The following ANKS1A variants were observed in gnomAD, a reference collection of about 807,000 sequenced individuals.
ANKS1A encodes the protein ankyrin repeat and SAM domain-containing protein 1A.
In ANKS1A, 55 loss-of-function variants were observed where a neutral mutation model predicts 120.3. That is an observed-to-expected ratio of 0.46 (90% CI 0.37 to 0.57). The LOEUF (loss-of-function observed/expected upper bound fraction) is 0.57, where lower values mean the gene tolerates loss of function less well. ANKS1A is among the 20% of genes least tolerant of loss of function. The pLI is 0.00. For missense variants in ANKS1A, 1,123 were observed against 1,480.3 expected (o/e 0.76, Z 3.96); for synonymous variants, 590 against 604.7 (o/e 0.98, Z 0.36).
At chr6:35,097,799 CTTAG>C in the ANKS1A span, among the ~76,000 whole-genome samples, 2 of 152,090 alleles carry the variant, frequency 1.3e-5, no homozygotes, top group Non-Finnish European at 2.9e-5. Flanking sequence ...TTCAGTTGGT[CTTAG>C]TTAAAATGCA....
At position 35,089,067 on chromosome 6, in the gene ANKS1A, A is replaced by G; in HGVS notation, c.*458A>G. 5 of 1,059,498 alleles carry G rather than the reference A, an allele frequency of 4.7e-6. No individual in the cohort carries two copies. Among genetic ancestry groups the G allele is most frequent in the Non-Finnish European group, 5.7e-6 (5 of 873,592 alleles). The allele number at this position is 1,059,498 out of a possible 1,614,324, so 65.6% of individuals were successfully genotyped here. ...CTTGGGTGCAGCTCAGTGGGTCGGA[A>G]GAGAAGGCGGTGGCCTGTGGGTGAG... On this transcript the variant is annotated 3_prime_UTR_variant, in exon 24 of 24. Transcript: ENST00000360359.
chr6:34,891,957 C>T (rs1766847342), intron 1 of ANKS1A, among the ~76,000 whole-genome samples: 1 of 152,162 alleles, frequency 6.6e-6, no homozygotes, highest in South Asian at 2.1e-4. Context: ...TGCGCTCACT[C>T]GGAGACTATT....
Position 34,983,110 on chromosome 6 carries a change from T to C in ANKS1A, c.809-3T>C, listed in dbSNP as rs781530504. Reference sequence around the variant, plus strand: ...CCCTGGTCCACCTGGTGTGCCTTTCTAGGAACTGACGTCAACATAAAAGAT... The same window carrying C: ...CCCTGGTCCACCTGGTGTGCCTTTCCAGGAACTGACGTCAACATAAAAGAT... On this transcript the variant is annotated splice_region_variant and splice_polypyrimidine_tract_variant and intron_variant, in intron 5 of 23. Coordinates refer to ENST00000360359, the MANE Select transcript of ANKS1A (RefSeq NM_015245.3). 77 of 1,613,678 alleles carry C rather than the reference T, an allele frequency of 4.8e-5. No homozygotes were observed. Among genetic ancestry groups the C allele is most frequent in the Non-Finnish European group, 6.4e-5 (75 of 1,179,814 alleles).
At position 34,941,132 on chromosome 6, in the gene ANKS1A, C is replaced by T. The variant is rs565157117; in HGVS notation, c.198-26107C>T. Among the ~76,000 whole-genome samples, 8 of 151,848 alleles carry T rather than the reference C, an allele frequency of 5.3e-5. No homozygotes were observed. The East Asian group carries it at 1.2e-3, about 22-fold the overall frequency. On this transcript the variant is annotated intron_variant, in intron 1 of 23. Transcript: ENST00000360359. Reference sequence around the variant, plus strand: ...CCTCCTGAGTAGGTGGGATCACAGGCGTGTGCCACCACGCCCGGCTAATTT... The same window carrying T: ...CCTCCTGAGTAGGTGGGATCACAGGTGTGTGCCACCACGCCCGGCTAATTT...
At chr6:34,919,109 C>T (rs1216512297) in intron 1 of ANKS1A, among the ~76,000 whole-genome samples, 1 of 152,190 alleles carries the variant, frequency 6.6e-6, no homozygotes, top group East Asian at 1.9e-4. Flanking sequence ...GCCTTGGCCT[C>T]CCAAAGTGCT....
chr6:34,928,212 T>C (rs2127471282), intron 1 of ANKS1A, among the ~76,000 whole-genome samples: 1 of 152,352 alleles, frequency 6.6e-6, no homozygotes, highest in South Asian at 2.1e-4. Context: ...TCTGTATGCA[T>C]GAACCACAGA....
intron 1 of ANKS1A, among the ~76,000 whole-genome samples, chr6:34,935,048 T>G (rs1769180571): frequency 6.6e-6 from 1 of 152,240 alleles, no homozygotes; most frequent in South Asian, 2.1e-4. Flanking sequence ...GCTTAGGAGA[T>G]TTAACTCTGT....
At chr6:35,028,956 T>C (rs75014055) in intron 11 of ANKS1A, among the ~76,000 whole-genome samples, 1,742 of 152,312 alleles carry the variant, frequency 0.011, 38 homozygotes, top group African/African-American at 0.036. Flanking sequence ...AGTTTGTGCG[T>C]GTTAAATTTA....
rs2127435681 is a variant in ANKS1A, at chr6:34,889,426, G to A, written c.24G>A (p.Leu8=). 1.6e-6 allele frequency: 2 copies of A among 1,286,852 alleles called. No individual in the cohort carries two copies. The highest frequency in any genetic ancestry group is 3.1e-5 in the East Asian group (1 of 32,414). 79.7% of individuals were successfully genotyped at this position (1,286,852 alleles called of 1,614,324 possible). Residue 8 remains leucine, a synonymous_variant, in exon 1 of 24, where the codon CTG becomes CTA. Coordinates refer to ENST00000360359, the MANE Select transcript of ANKS1A (RefSeq NM_015245.3). The surrounding 1 kb of genome is among the most constrained non-coding windows in gnomAD (Gnocchi z 5.5). ...GGATGGGGAAGGAGCAGGAGCTGCT[G>A]GAGGCGGCCCGCACCGGGCACCTCC... is the stretch of plus-strand genomic sequence containing the variant. The part of the protein sequence containing the change: MGKEQEL[L]EAARTGHLPA...
At chr6:35,029,984 C>T (rs576514669) in intron 11 of ANKS1A, among the ~76,000 whole-genome samples, 1 of 151,978 alleles carries the variant, frequency 6.6e-6, no homozygotes, top group African/African-American at 2.4e-5. Context: ...TGATTTTTAG[C>T]AACAATTTGA....
intron 3 of ANKS1A, among the ~76,000 whole-genome samples, chr6:34,971,176 G>C (rs921860165): frequency 2.0e-5 from 3 of 152,172 alleles, no homozygotes; most frequent in African/African-American, 7.2e-5. Context: ...GAACATGTGA[G>C]GGGAGGTCAG....
chr6:35,020,481 T>C (rs1437628727), intron 11 of ANKS1A, among the ~76,000 whole-genome samples: 1 of 152,202 alleles, frequency 6.6e-6, no homozygotes, highest in African/African-American at 2.4e-5. Context: ...CTGGATATGC[T>C]ATCAAGGCAG....
At chr6:35,033,516 T>C (rs1005822155) in intron 11 of ANKS1A, among the ~76,000 whole-genome samples, 2 of 152,234 alleles carry the variant, frequency 1.3e-5, no homozygotes, top group African/African-American at 4.8e-5. Flanking sequence ...GATGAGTCTC[T>C]CCTGTTGGGG....
At chr6:35,039,363 G>C (rs552357545) in intron 11 of ANKS1A, among the ~76,000 whole-genome samples, 1 of 151,418 alleles carries the variant, frequency 6.6e-6, no homozygotes, top group South Asian at 2.1e-4. Flanking sequence ...ACACCTGGCT[G>C]ATTTTGTATT....
At chr6:35,081,681 G>A (rs368955982) in intron 17 of ANKS1A, among the ~76,000 whole-genome samples, 1 of 152,214 alleles carries the variant, frequency 6.6e-6, no homozygotes, top group Non-Finnish European at 1.5e-5. Context: ...AGCCCCGTGG[G>A]GGGCACCGCT....
At chr6:35,063,398 G>C (rs748405599) in intron 13 of ANKS1A, among the ~76,000 whole-genome samples, 7 of 152,270 alleles carry the variant, frequency 4.6e-5, no homozygotes, top group Non-Finnish European at 1.0e-4. Flanking sequence ...CAGGTCTGAT[G>C]CCCTTCACTC....
intron 1 of ANKS1A, among the ~76,000 whole-genome samples, chr6:34,909,349 C>A (rs574282487): frequency 6.6e-6 from 1 of 152,094 alleles, no homozygotes; most frequent in Admixed American, 6.5e-5. Context: ...TTTTCCATTG[C>A]GCCATGCTCT....
chr6:34,958,201 C>A (rs1472746808), intron 1 of ANKS1A, among the ~76,000 whole-genome samples: 1 of 152,202 alleles, frequency 6.6e-6, no homozygotes, highest in African/African-American at 2.4e-5. Flanking sequence ...TTCTCCCCTA[C>A]CTCACGTCAC....
intron 3 of ANKS1A, among the ~76,000 whole-genome samples, chr6:34,975,087 G>T (rs1257138779): frequency 6.6e-6 from 1 of 152,150 alleles, no homozygotes; most frequent in African/African-American, 2.4e-5. Context: ...AATGTAGTAA[G>T]AACATACTTC....
Sources: gnomAD v4.1 joint callset for allele counts (sites outside exome capture counted in the v4.1 genomes callset) on GRCh38, gnomAD v4.1.1 for gene constraint, Gnocchi (gnomAD v3.1) non-coding constraint, MANE v1.5 for transcripts, NCBI Gene and HGNC (gene_info 2026-07-23, HGNC 2026-07-21) for gene names.